The following SLIT1 variants were observed in gnomAD, a reference collection of about 807,000 sequenced individuals.
SLIT1 encodes slit guidance ligand 1.
SLIT1 carries 66 observed loss-of-function variants against 186.1 expected under a neutral mutation model. The observed-to-expected ratio is 0.35, with a 90% CI of 0.29 to 0.44. The LOEUF (loss-of-function observed/expected upper bound fraction) is 0.44. Among genes scored for constraint, SLIT1 ranks in the 20% least tolerant of loss-of-function variants. The pLI, the probability that SLIT1 is intolerant of heterozygous loss-of-function variation, is 1.00. For synonymous variants in SLIT1, 761 were observed against 833.8 expected (o/e 0.91, Z 1.50); for missense variants, 1,638 against 2,037.4 (o/e 0.80, Z 3.77).
chr10:97,160,461 A>G (rs1850011143), intron 3 of SLIT1, among the ~76,000 whole-genome samples: 1 of 152,206 alleles, frequency 6.6e-6, no homozygotes, highest in Non-Finnish European at 1.5e-5. Flanking sequence ...TTTAAAAATC[A>G]GGAATACTCC....
At chr10:97,066,404 C>T (rs1170971709) in intron 4 of SLIT1, among the ~76,000 whole-genome samples, 1 of 152,202 alleles carries the variant, frequency 6.6e-6, no homozygotes, top group Non-Finnish European at 1.5e-5. Flanking sequence ...CTGCCAGACC[C>T]CACCTGATGT....
At position 97,043,234 on chromosome 10, in the gene SLIT1, G is replaced by A. The variant is rs75356372; in HGVS notation, c.1997+136C>T. The A allele has an allele frequency of 7.4e-6, 10 of 1,351,924 alleles. No individual in the cohort carries two copies. In the East Asian group the frequency reaches 9.2e-5, roughly 12 times the overall value. 83.7% of individuals were successfully genotyped at this position (1,351,924 alleles called of 1,614,324 possible). A position where few individuals can be genotyped will look rare whatever the true frequency, so the allele number is the denominator to read the frequency against. On this transcript the variant is annotated intron_variant, in intron 19 of 36. Transcript: ENST00000266058. This position sits in a 1 kb window ranked among gnomAD's most constrained non-coding sequence, Gnocchi z 7.0. ...GCTCTGAGGACCGGAGGGAGACTTC[G>A]AAATGTGGAACCCACGTTTCAGCAA...
At chr10:97,176,070 C>A (rs1000874151) in intron 1 of SLIT1, among the ~76,000 whole-genome samples, 4 of 152,138 alleles carry the variant, frequency 2.6e-5, no homozygotes, top group Non-Finnish European at 5.9e-5. Context: ...GACTATAGAG[C>A]AGAAGTCAAA....
intron 4 of SLIT1, among the ~76,000 whole-genome samples, chr10:97,088,201 G>T (rs369872769): frequency 9.2e-5 from 14 of 151,582 alleles, no homozygotes; most frequent in African/African-American, 3.4e-4. Flanking sequence ...GGGCAGCCAG[G>T]GTTGAGAGCC....
Position 97,004,118 on chromosome 10 carries a change from T to C in SLIT1, c.3815A>G (p.Asn1272Ser). 6.2e-7 allele frequency: 1 copy of C among 1,613,768 alleles called. No individual in the cohort carries two copies. The highest frequency in any genetic ancestry group is 1.3e-5 in the African/African-American group (1 of 75,064). The change falls in exon 34 of 37, where the codon AAC (asparagine) becomes AGC (serine). Residue 1272 changes from asparagine to serine, a missense_variant. Around this residue, in one of 3 missense-constraint regions of SLIT1, gnomAD observed 173 missense variants for 290.9 expected, o/e 0.59. Transcript: ENST00000266058. This position sits in a 1 kb window ranked among gnomAD's most constrained non-coding sequence, Gnocchi z 5.1. ...IDGGSPMTMD[N>S]FGKHYTLNSE... ...GTTGAGCGTGTAATGTTTGCCAAAG[T>C]TGTCCATGGTCATGGGGCTCCCGCC...
rs116137330 is a variant in SLIT1, at chr10:97,143,700, G to A, written c.413+14118C>T. Among the ~76,000 whole-genome samples the A allele has an allele frequency of 3.4e-3, 514 of 152,310 alleles. 5 individuals carry two copies. The highest frequency in any genetic ancestry group is 0.012 in the African/African-American group (496 of 41,564). On this transcript the variant is annotated intron_variant, in intron 4 of 36. Coordinates refer to ENST00000266058, the MANE Select transcript of SLIT1 (RefSeq NM_003061.3). Reference sequence around the variant, plus strand: ...GAGGGATGGGGTTTGGGTTTCAGTGGAGCAGAACCGAGTTGCAGATACATC... The same window carrying A: ...GAGGGATGGGGTTTGGGTTTCAGTGAAGCAGAACCGAGTTGCAGATACATC...
At chr10:97,044,102 C>T (rs1275745081) in intron 18 of SLIT1, among the ~76,000 whole-genome samples, 1 of 152,226 alleles carries the variant, frequency 6.6e-6, no homozygotes, top group Non-Finnish European at 1.5e-5. Flanking sequence ...TGCTGTTCAT[C>T]TTCAAAAACC....
At chr10:97,139,714 C>T (rs1849738870) in intron 4 of SLIT1, among the ~76,000 whole-genome samples, 1 of 152,170 alleles carries the variant, frequency 6.6e-6, no homozygotes, top group Non-Finnish European at 1.5e-5. Flanking sequence ...CCAAAGGATT[C>T]TCCTAGAAAT....
chr10:97,061,321 C>T (rs187935745), intron 8 of SLIT1, among the ~76,000 whole-genome samples: 2 of 152,292 alleles, frequency 1.3e-5, no homozygotes, highest in East Asian at 1.9e-4. Flanking sequence ...GTGGTAAAAC[C>T]AGGATCCAGC....
Position 97,105,976 on chromosome 10 carries a change from G to A in SLIT1, c.414-39890C>T, listed in dbSNP as rs542955109. 5.9e-5 allele frequency among the ~76,000 whole-genome samples: 9 copies of A among 152,352 alleles called. No individual in the cohort carries two copies. In the East Asian group the frequency reaches 9.6e-4, roughly 16 times the overall value. On this transcript the variant is annotated intron_variant, in intron 4 of 36. Transcript: ENST00000266058. ...CAGAACCTCTAGGCAAGAAGGTCCC[G>A]CAGATGGTACCCATGGTGGGCATCC...
chr10:97,137,654 G>A (rs891343917), intron 4 of SLIT1, among the ~76,000 whole-genome samples: 1 of 151,536 alleles, frequency 6.6e-6, no homozygotes, highest in African/African-American at 2.4e-5. Context: ...ACATAATCTC[G>A]GCTCACTGCA....
chr10:97,147,529 C>G (rs1028655052), intron 4 of SLIT1, among the ~76,000 whole-genome samples: 3 of 151,886 alleles, frequency 2.0e-5, no homozygotes, highest in Admixed American at 2.0e-4. Context: ...AACTGAGAAG[C>G]TGTGATGGGA....
Position 97,047,799 on chromosome 10 carries a change from T to A in SLIT1, c.1525A>T (p.Ser509Cys). ...CACTTGTGGGGACAGACCACGTCGC[T>A]GTTGCACTCGCTGTTCAGCTGGTAA... ...EDYQLNSECN[S>C]DVVCPHKCRC... Residue 509 changes from serine to cysteine, a missense_variant, in exon 16 of 37, where the codon AGC becomes TGC. Ser to Cys is a moderately radical substitution (Grantham distance 112). Coordinates refer to ENST00000266058, the MANE Select transcript of SLIT1 (RefSeq NM_003061.3). 6.2e-7 allele frequency: 1 copy of A among 1,614,054 alleles called. No homozygotes were observed. Among genetic ancestry groups the A allele is most frequent in the Non-Finnish European group, 8.5e-7 (1 of 1,180,002 alleles).
intron 4 of SLIT1, among the ~76,000 whole-genome samples, chr10:97,078,854 G>A (rs1849074260): frequency 6.6e-6 from 1 of 152,218 alleles, no homozygotes; most frequent in African/African-American, 2.4e-5. Context: ...CTGGTGACCT[G>A]CTAGTCCTGG....
At chr10:97,111,367 A>T (rs190818801) in intron 4 of SLIT1, among the ~76,000 whole-genome samples, 1 of 152,150 alleles carries the variant, frequency 6.6e-6, no homozygotes, top group Non-Finnish European at 1.5e-5. Context: ...CCATCATGTC[A>T]TCTACACACG....
At chr10:97,073,212 G>A (rs1047402323) in intron 4 of SLIT1, among the ~76,000 whole-genome samples, 29 of 152,024 alleles carry the variant, frequency 1.9e-4, no homozygotes, top group African/African-American at 7.0e-4. Flanking sequence ...CCCCTGGTCT[G>A]TGTGGAAACC....
chr10:97,063,345 G>C (rs1848911045), intron 8 of SLIT1, 110 bp downstream of exon 8: 24 of 1,215,428 alleles, frequency 2.0e-5, no homozygotes, highest in Non-Finnish European at 2.9e-5. Flanking sequence ...GATGGGCGGG[G>C]TCAGGAGGTG....
intron 1 of SLIT1, among the ~76,000 whole-genome samples, chr10:97,180,310 G>A (rs897968146): frequency 2.6e-5 from 4 of 152,208 alleles, no homozygotes; most frequent in Non-Finnish European, 2.9e-5. Flanking sequence ...GAGCATTACC[G>A]CATTTAATCC....
At chr10:97,181,065 C>T (rs943076262) in intron 1 of SLIT1, among the ~76,000 whole-genome samples, 6 of 152,196 alleles carry the variant, frequency 3.9e-5, no homozygotes, top group Non-Finnish European at 7.3e-5. Context: ...CAGCTGTCGT[C>T]GTCCCGTTTT....
Sources: gnomAD v4.1 joint callset for allele counts (sites outside exome capture counted in the v4.1 genomes callset) on GRCh38, gnomAD v4.1.1 for gene constraint, gnomAD v4.1.1 regional missense constraint, Gnocchi (gnomAD v3.1) non-coding constraint, MANE v1.5 for transcripts, NCBI Gene and HGNC (gene_info 2026-07-23, HGNC 2026-07-21) for gene names.